The following RANBP2 variants were observed in gnomAD, a reference collection of about 807,000 sequenced individuals.
The protein encoded by RANBP2 is E3 SUMO-protein ligase RanBP2.
RANBP2 carries 57 observed loss-of-function variants against 303.6 expected under a neutral mutation model. The observed-to-expected ratio is 0.19, with a 90% CI of 0.15 to 0.23. The LOEUF is 0.23. Ranked by LOEUF, RANBP2 falls within the 10% of genes least tolerant of loss-of-function variation. The pLI is 1.00. For synonymous variants in RANBP2, 1,167 were observed against 1,301.5 expected, an observed-to-expected ratio of 0.90 and a Z score of 2.23; for missense variants, 3,138 against 3,780.8, an observed-to-expected ratio of 0.83 and a Z score of 4.46.
the RANBP2 span, among the ~76,000 whole-genome samples, chr2:108,842,589 C>T: frequency 3.9e-5 from 6 of 151,996 alleles, no homozygotes; most frequent in Admixed American, 1.3e-4. Context: ...TCACACAGTC[C>T]GTAGTGAGGT....
the RANBP2 span, among the ~76,000 whole-genome samples, chr2:109,661,971 A>T: frequency 6.6e-6 from 1 of 152,260 alleles, no homozygotes; most frequent in South Asian, 2.1e-4. Context: ...TGCACATTTC[A>T]TGCCTCCTGC....
intron 1 of RANBP2, among the ~76,000 whole-genome samples, chr2:108,727,113 A>G (rs1382875987): frequency 6.6e-6 from 1 of 152,022 alleles, no homozygotes; most frequent in Non-Finnish European, 1.5e-5. Context: ...CAAAACCGCC[A>G]TTGTCATCAT....
chr2:108,991,453 T>C, the RANBP2 span, among the ~76,000 whole-genome samples: 2 of 152,226 alleles, frequency 1.3e-5, no homozygotes, highest in African/African-American at 2.4e-5. Context: ...GGGGGTCTCC[T>C]GGGGCTGTGT....
At chr2:109,212,737 C>CCCGTG in the RANBP2 span, among the ~76,000 whole-genome samples, 1 of 152,188 alleles carries the variant, frequency 6.6e-6, no homozygotes, top group African/African-American at 2.4e-5. Context: ...TCTCTCTTTG[C>CCCGTG]CCGTGGCCCA....
At chr2:109,488,725 C>T in the RANBP2 span, among the ~76,000 whole-genome samples, 5 of 152,346 alleles carry the variant, frequency 3.3e-5, no homozygotes, top group East Asian at 5.8e-4. Context: ...AAACACCACA[C>T]TTTGAGCTGC....
At chr2:109,314,467 G>T in the RANBP2 span, among the ~76,000 whole-genome samples, 1 of 152,164 alleles carries the variant, frequency 6.6e-6, no homozygotes, top group East Asian at 1.9e-4. Context: ...GGGAAAGCAG[G>T]TCAGCCTGAA....
At chr2:109,593,574 T>G in the RANBP2 span, among the ~76,000 whole-genome samples, 1 of 152,132 alleles carries the variant, frequency 6.6e-6, no homozygotes, top group East Asian at 1.9e-4. Context: ...CCTGGCTAAT[T>G]TTTGTATTTT....
the RANBP2 span, among the ~76,000 whole-genome samples, chr2:109,078,251 ATATATATATATAGCGCG>A: frequency 1.4e-4 from 7 of 51,652 alleles, no homozygotes; most frequent in African/African-American, 5.2e-4. Flanking sequence ...TAGCGTGTAT[ATATATATATATAGCGCG>A]TATATATATA....
the RANBP2 span, among the ~76,000 whole-genome samples, chr2:109,560,067 C>T: frequency 6.6e-6 from 1 of 151,990 alleles, no homozygotes; most frequent in African/African-American, 2.4e-5. Flanking sequence ...ACTACAGGTG[C>T]CCGCCACCAC....
At position 108,759,536 on chromosome 2, in the gene RANBP2, A is replaced by G. The variant is rs187494951; in HGVS notation, c.2602+988A>G. Among the ~76,000 whole-genome samples, 1,384 of 152,242 alleles carry G rather than the reference A, an allele frequency of 9.1e-3. 23 individuals are homozygous for G. Among genetic ancestry groups the G allele is most frequent in the African/African-American group, 0.03 (1,248 of 41,518 alleles). The stretch of plus-strand genomic sequence containing the variant: ...CCAGGAAAGATTTAGAATAAAATCT[A>G]GTTTAGATGAGCACATTTGTGTGAT... On this transcript the variant is annotated intron_variant, in intron 18 of 28. Coordinates refer to ENST00000283195, the MANE Select transcript of RANBP2 (RefSeq NM_006267.5).
chr2:109,113,632 C>T, the RANBP2 span, among the ~76,000 whole-genome samples: 1 of 152,226 alleles, frequency 6.6e-6, no homozygotes, highest in South Asian at 2.1e-4. Context: ...TTATTTCCTT[C>T]TCCTGACTAA....
the RANBP2 span, among the ~76,000 whole-genome samples, chr2:109,656,587 T>G: frequency 5.3e-5 from 8 of 152,112 alleles, no homozygotes; most frequent in African/African-American, 1.9e-4. Flanking sequence ...TGATCCACCC[T>G]CCTCGGCCTC....
At chr2:109,698,160 T>G in the RANBP2 span, among the ~76,000 whole-genome samples, 2 of 152,140 alleles carry the variant, frequency 1.3e-5, no homozygotes, top group East Asian at 3.9e-4. Context: ...ACCCAGCCTG[T>G]GCTTCACTTT....
the RANBP2 span, among the ~76,000 whole-genome samples, chr2:109,704,816 A>T: frequency 6.6e-6 from 1 of 152,118 alleles, no homozygotes; most frequent in Non-Finnish European, 1.5e-5. Flanking sequence ...GTGCCATTGC[A>T]CTCCAGCCTG....
rs754936926 is a variant in RANBP2 at position 108,763,859 on chromosome 2, C to T, written c.3320C>T (p.Ser1107Phe). ...NTFNFGSKNV[S>F]GISFTENMGS... Reference sequence around the variant, plus strand: ...TTCAATTTTGGAAGCAAAAATGTGTCTGGAATTTCATTTACAGAAAACATG... The same window carrying T: ...TTCAATTTTGGAAGCAAAAATGTGTTTGGAATTTCATTTACAGAAAACATG... The change falls in exon 20 of 29, where the codon TCT (serine) becomes TTT (phenylalanine). Residue 1107 changes from serine (S) to phenylalanine (F), a missense_variant. By Grantham distance (155) the Ser-to-Phe change is radical. This residue lies in a region of RANBP2 where 403 missense variants were observed against 376.7 expected (regional missense o/e 1.07). Coordinates refer to ENST00000283195, the MANE Select transcript of RANBP2 (RefSeq NM_006267.5). The T allele has an allele frequency of 2.5e-5, 41 of 1,613,868 alleles. 1 individual carries two copies. In the South Asian group the frequency reaches 4.4e-4, roughly 17 times the overall value.
chr2:108,763,142 A>G, intron 19 of RANBP2, 95 bp from the exon 20 acceptor site: 2 of 1,353,198 alleles, frequency 1.5e-6, no homozygotes, highest in Non-Finnish European at 2.1e-6. Context: ...TCTTCACTTC[A>G]TATTCATGTT....
chr2:108,760,900 A>G (rs1478826645), intron 18 of RANBP2, among the ~76,000 whole-genome samples: 4 of 152,144 alleles, frequency 2.6e-5, no homozygotes, highest in Non-Finnish European at 5.9e-5. Flanking sequence ...TAATAGCTTC[A>G]GTTTGCCCAA....
the RANBP2 span, among the ~76,000 whole-genome samples, chr2:109,660,101 A>G: frequency 1.3e-4 from 20 of 152,226 alleles, no homozygotes; most frequent in Admixed American, 1.3e-3. Context: ...TCCACACCCA[A>G]TTAGGGAAAG....
chr2:109,438,704 C>T, the RANBP2 span, among the ~76,000 whole-genome samples: 24 of 152,298 alleles, frequency 1.6e-4, no homozygotes, highest in South Asian at 2.9e-3. Context: ...GCATGGTTTA[C>T]GTGGATCTGT....
Sources: gnomAD v4.1 joint callset for allele counts (sites outside exome capture counted in the v4.1 genomes callset) on GRCh38, gnomAD v4.1.1 for gene constraint, gnomAD v4.1.1 regional missense constraint, MANE v1.5 for transcripts, NCBI Gene and HGNC (gene_info 2026-07-23, HGNC 2026-07-21) for gene names.